The following LGR6 variants were observed in gnomAD, a reference collection of about 807,000 sequenced individuals.
LGR6 encodes the protein leucine-rich repeat-containing G protein-coupled receptor 6.
In LGR6, 45 loss-of-function variants were observed where a neutral mutation model predicts 69.4. The ratio of observed to expected loss-of-function variants is 0.65; its 90% CI spans 0.51 to 0.83. The LOEUF (loss-of-function observed/expected upper bound fraction) is 0.83. LGR6 is among the 40% of genes least tolerant of loss of function. The pLI is 0.00. For missense variants in LGR6, 1,108 were observed against 1,246.7 expected (o/e 0.89, Z 1.68); for synonymous variants, 538 against 555.0 (o/e 0.97, Z 0.43).
intron 1 of LGR6, among the ~76,000 whole-genome samples, chr1:202,206,671 T>G (rs1558006002): frequency 6.6e-6 from 1 of 152,212 alleles, no homozygotes; most frequent in East Asian, 1.9e-4. Context: ...CACTTCAGCC[T>G]CCTGAGTAGC....
At chr1:202,317,730 T>A (rs1453346560) in intron 17 of LGR6, among the ~76,000 whole-genome samples, 1 of 152,160 alleles carries the variant, frequency 6.6e-6, no homozygotes, top group African/African-American at 2.4e-5. Flanking sequence ...GTCGTGTATG[T>A]CCCACAGCTG....
At chr1:202,206,022 TCAGGA>T (rs67494317) in intron 1 of LGR6, among the ~76,000 whole-genome samples, 57,375 of 151,610 alleles carry the variant, frequency 0.38, 11,696 homozygotes, top group South Asian at 0.61. Flanking sequence ...CAGGGGGCGC[TCAGGA>T]CAGGACTGTA....
intron 4 of LGR6, among the ~76,000 whole-genome samples, chr1:202,267,326 C>T (rs961736544): frequency 2.6e-5 from 4 of 152,054 alleles, no homozygotes; most frequent in African/African-American, 9.7e-5. Context: ...GGTCTGGAGT[C>T]CAGTCATATG....
intron 1 of LGR6, chr1:202,203,650 C>T (rs1045819509): frequency 1.6e-5 from 10 of 640,838 alleles, no homozygotes; most frequent in Middle Eastern, 4.2e-4. Flanking sequence ...ATAAGACAAG[C>T]GCAAATAACT....
At chr1:202,195,831 G>A (rs1658620415) in intron 1 of LGR6, among the ~76,000 whole-genome samples, 1 of 152,220 alleles carries the variant, frequency 6.6e-6, no homozygotes, top group African/African-American at 2.4e-5. Context: ...TCCTTTCCCA[G>A]CATTAAGTCT....
At chr1:202,314,246 G>C (rs1396396933) in intron 16 of LGR6, among the ~76,000 whole-genome samples, 1 of 152,162 alleles carries the variant, frequency 6.6e-6, no homozygotes, top group African/African-American at 2.4e-5. Flanking sequence ...TTTGAGGACG[G>C]CCATGATACC....
intron 4 of LGR6, among the ~76,000 whole-genome samples, chr1:202,260,944 A>C (rs1186368268): frequency 6.6e-6 from 1 of 152,120 alleles, no homozygotes; most frequent in Non-Finnish European, 1.5e-5. Context: ...ATGAATGCTT[A>C]CAAGATTTTT....
chr1:202,294,658 G>A (rs1571983139), intron 6 of LGR6, among the ~76,000 whole-genome samples: 1 of 152,304 alleles, frequency 6.6e-6, no homozygotes, highest in South Asian at 2.1e-4. Flanking sequence ...CAAAGGCAGA[G>A]GCTGTGAGGC....
chr1:202,300,912 A>G lies in LGR6; in HGVS notation c.849A>G (p.Leu283=). 6.2e-7 allele frequency: 1 copy of G among 1,611,652 alleles called. No homozygotes were observed. The highest frequency in any genetic ancestry group is 8.5e-7 in the Non-Finnish European group (1 of 1,178,572). ...PEKAFMGNPL[L]QTIHFYDNPI... ...AGGCCTTCATGGGGAACCCTCTGCT[A>G]CAGACGATGTGAGTACTACTTTCTC... The change falls in exon 8 of 18, where the codon CTA becomes CTG. Residue 283 remains leucine, a synonymous_variant. Transcript: ENST00000367278.
rs1309862842 is a variant in LGR6, at chr1:202,319,111, G to A, written c.2808G>A (p.Leu936=). Residue 936 remains leucine (L), a synonymous_variant, in exon 18 of 18, where the codon CTG becomes CTA. Coordinates refer to ENST00000367278, the MANE Select transcript of LGR6 (RefSeq NM_001017403.2). The part of the protein sequence containing the change: ...GNPQPSMDGE[L]LLRAEGSTPA... ...CCCAACCCTCCATGGATGGAGAACTGCTGCTGAGGGCAGAGGGATCTACGC... is the reference window on the plus strand; with the variant it reads ...CCCAACCCTCCATGGATGGAGAACTACTGCTGAGGGCAGAGGGATCTACGC... The A allele has an allele frequency of 6.2e-7, 1 of 1,614,260 alleles. No homozygotes were observed. The highest frequency in any genetic ancestry group is 8.5e-7 in the Non-Finnish European group (1 of 1,180,038).
At chr1:202,277,047 G>A (rs1665616762) in intron 5 of LGR6, among the ~76,000 whole-genome samples, 1 of 152,126 alleles carries the variant, frequency 6.6e-6, no homozygotes. Flanking sequence ...GGGGACTGGG[G>A]TTAACTCTGC....
intron 6 of LGR6, among the ~76,000 whole-genome samples, chr1:202,293,646 A>G (rs553860970): frequency 2.4e-4 from 37 of 152,206 alleles, no homozygotes; most frequent in Non-Finnish European, 4.1e-4. Context: ...TCCCTGGACA[A>G]TTAGAGCCAC....
intron 4 of LGR6, among the ~76,000 whole-genome samples, chr1:202,242,330 T>C (rs1194036776): frequency 6.6e-6 from 1 of 152,128 alleles, no homozygotes; most frequent in Admixed American, 6.5e-5. Context: ...CCCTATCCTT[T>C]AGTACATCCC....
chr1:202,228,325 GTC>G (rs1381957256), intron 3 of LGR6, among the ~76,000 whole-genome samples: 3 of 152,180 alleles, frequency 2.0e-5, no homozygotes, highest in African/African-American at 4.8e-5. Flanking sequence ...AGACCCACAG[GTC>G]TCTCCCCATG....
Position 202,319,399 on chromosome 1 carries a change from C to T in LGR6, c.*192C>T, listed in dbSNP as rs1654455259. The stretch of plus-strand genomic sequence containing the variant: ...AACGGGTGCCTCTTGGCCTGGCTTT[C>T]CCTTGGCCTTCCTCAGCTTCACCTT... On this transcript the variant is annotated 3_prime_UTR_variant, in exon 18 of 18. Transcript: ENST00000367278. The T allele has an allele frequency of 1.7e-6, 1 of 586,474 alleles. No homozygotes were observed. Among genetic ancestry groups the T allele is most frequent in the Admixed American group, 3.6e-5 (1 of 28,096 alleles). 36.3% of individuals were successfully genotyped at this position (586,474 alleles called of 1,614,324 possible).
chr1:202,279,833 T>A (rs972261509), intron 5 of LGR6, among the ~76,000 whole-genome samples: 3 of 152,252 alleles, frequency 2.0e-5, no homozygotes, highest in African/African-American at 7.2e-5. Context: ...TGTCCCTTGT[T>A]TTAAATTTAT....
intron 6 of LGR6, among the ~76,000 whole-genome samples, chr1:202,291,839 A>G (rs1433801316): frequency 6.6e-6 from 1 of 152,208 alleles, no homozygotes; most frequent in African/African-American, 2.4e-5. Flanking sequence ...AACCATGACT[A>G]TTACATAGTA....
At chr1:202,290,098 G>A (rs1319254128) in intron 6 of LGR6, among the ~76,000 whole-genome samples, 3 of 152,206 alleles carry the variant, frequency 2.0e-5, no homozygotes, top group Non-Finnish European at 2.9e-5. Context: ...CTTATGTCTA[G>A]TAAAAGGAAG....
intron 11 of LGR6, 30 bp from the exon 12 acceptor site, chr1:202,305,654 C>T (rs781122245): frequency 1.2e-6 from 2 of 1,607,178 alleles, no homozygotes; most frequent in East Asian, 2.2e-5. Context: ...CACCATTTCA[C>T]CCCAGCCCTG....
Sources: allele counts gnomAD v4.1 joint callset (sites outside exome capture counted in the v4.1 genomes callset), GRCh38; gene constraint gnomAD v4.1.1; transcripts MANE v1.5; gene names NCBI Gene and HGNC (gene_info 2026-07-23, HGNC 2026-07-21).